The following CD302 variants were observed in gnomAD, a reference collection of about 807,000 sequenced individuals.
CD302 encodes the protein CD302 molecule, also known as CD302 antigen.
A neutral mutation model predicts 26.5 loss-of-function variants in CD302; 23 were observed. The ratio of observed to expected loss-of-function variants is 0.87; its 90% CI spans 0.62 to 1.23. The LOEUF (loss-of-function observed/expected upper bound fraction) is 1.23, where lower values mean the gene tolerates loss of function less well. Among genes scored for constraint, CD302 ranks in the 50% most tolerant of loss-of-function variants. The pLI is 0.00. For synonymous variants in CD302, 90 were observed against 99.4 expected (o/e 0.91, Z 0.56); for missense variants, 290 against 275.5 (o/e 1.05, Z -0.37).
chr2:159,788,965 TC>T (rs1708737011), intron 1 of CD302, among the ~76,000 whole-genome samples: 1 of 152,178 alleles, frequency 6.6e-6, no homozygotes, highest in Admixed American at 6.5e-5. Context: ...ATCTCATTCT[TC>T]CTGGTTTATT....
chr2:159,779,081 A>G (rs954479718), intron 4 of CD302, among the ~76,000 whole-genome samples: 1 of 151,776 alleles, frequency 6.6e-6, no homozygotes, highest in East Asian at 1.9e-4. Context: ...AAATACAAAA[A>G]TTAGCCGGGC....
rs10656353 is a variant in CD302 at position 159,794,305 on chromosome 2, T to TAA, written c.67+3825_67+3826dup. 6.6e-3 allele frequency among the ~76,000 whole-genome samples: 719 copies of TAA among 108,332 alleles called. 11 individuals carry two copies. Among genetic ancestry groups the TAA allele is most frequent in the East Asian group, 0.052 (199 of 3,806 alleles). 71.1% of individuals were successfully genotyped at this position (108,332 alleles called of 152,430 possible). A position where few individuals can be genotyped will look rare whatever the true frequency, so the allele number is the denominator to read the frequency against. ...AATAAAATAAAATAAAATAAAATAA[T>TAA]AAAAAAAAAAACACTAAATAACCCA... On this transcript the variant is annotated intron_variant, in intron 1 of 5. Transcript: ENST00000259053.
At chr2:159,783,729 A>T (rs957275484) in intron 1 of CD302, among the ~76,000 whole-genome samples, 4 of 152,214 alleles carry the variant, frequency 2.6e-5, no homozygotes, top group Admixed American at 2.6e-4. Context: ...GTTGTTTAGG[A>T]ATTCAGACAT....
At chr2:159,778,301 A>T (rs1179876447) in intron 4 of CD302, among the ~76,000 whole-genome samples, 1 of 152,194 alleles carries the variant, frequency 6.6e-6, no homozygotes, top group Non-Finnish European at 1.5e-5. Flanking sequence ...AAATTAAACA[A>T]CTGTGACCCT....
intron 1 of CD302, among the ~76,000 whole-genome samples, chr2:159,785,075 A>G (rs1456250531): frequency 6.6e-6 from 1 of 151,038 alleles, no homozygotes; most frequent in African/African-American, 2.4e-5. Context: ...CCCAGGCTCA[A>G]GTGATTCTTG....
chr2:159,770,085 AGAACTCCTTTAG>A lies in CD302; in HGVS notation c.*1754_*1765del, dbSNP rs758155497. 6.6e-6 allele frequency: 1 copy of A among 152,062 alleles called. No individual in the cohort carries two copies. The highest frequency in any genetic ancestry group is 1.5e-5 in the Non-Finnish European group (1 of 68,030). 9.4% of individuals were successfully genotyped at this position (152,062 alleles called of 1,614,324 possible). A position where few individuals can be genotyped will look rare whatever the true frequency, so the allele number is the denominator to read the frequency against. On this transcript the variant is annotated 3_prime_UTR_variant, in exon 6 of 6. Transcript: ENST00000259053. ...CTACCCAAATTCTACCACTCCTTTA[AGAACTCCTTTAG>A]AACTCTTTTAGTTCACATAATACGC... is the stretch of plus-strand genomic sequence containing the variant.
chr2:159,784,013 A>G (rs1000561141), intron 1 of CD302, among the ~76,000 whole-genome samples: 12 of 152,202 alleles, frequency 7.9e-5, no homozygotes, highest in African/African-American at 1.4e-4. Context: ...ATCAAAGTAG[A>G]TTATTTGAGG....
intron 5 of CD302, among the ~76,000 whole-genome samples, chr2:159,772,943 CTT>C (rs887622646): frequency 1.3e-5 from 2 of 151,922 alleles, no homozygotes; most frequent in African/African-American, 2.4e-5. Context: ...AGTGAACTAT[CTT>C]TTTAATTCTG....
At chr2:159,775,051 AAAT>A (rs1708268752) in intron 5 of CD302, among the ~76,000 whole-genome samples, 1 of 152,188 alleles carries the variant, frequency 6.6e-6, no homozygotes, top group African/African-American at 2.4e-5. Context: ...CTAAAAATAA[AAAT>A]AAAGTGCAAC....
chr2:159,773,164 C>T (rs1399272130), intron 5 of CD302, among the ~76,000 whole-genome samples: 1 of 152,160 alleles, frequency 6.6e-6, no homozygotes, highest in Non-Finnish European at 1.5e-5. Flanking sequence ...GACAGGCGCA[C>T]GCCATGATGT....
chr2:159,784,516 C>T (rs535741776), intron 1 of CD302, among the ~76,000 whole-genome samples: 87 of 151,756 alleles, frequency 5.7e-4, no homozygotes, highest in African/African-American at 1.8e-3. Context: ...CCACCATGCC[C>T]GGCTAACTTT....
rs912210543 is a variant in CD302, at chr2:159,769,600, C to T, written c.*2251G>A. 1 of 151,910 alleles carries T rather than the reference C, an allele frequency of 6.6e-6. No homozygotes were observed. The highest frequency in any genetic ancestry group is 2.4e-5 in the African/African-American group (1 of 41,296). The allele number at this position is 151,910 out of a possible 1,614,324, so 9.4% of individuals were successfully genotyped here. ...GGCGGAGATTGGAGAGAGCCAAGAT[C>T]GAGCCACTGCACTGTAGCCTGGGCA... On this transcript the variant is annotated 3_prime_UTR_variant, in exon 6 of 6. Coordinates refer to ENST00000259053, the MANE Select transcript of CD302 (RefSeq NM_014880.5).
In CD302 at chr2:159,770,374, A is replaced by G. The variant is rs887186160; in HGVS notation, c.*1477T>C. On this transcript the variant is annotated 3_prime_UTR_variant, in exon 6 of 6. Coordinates refer to ENST00000259053, the MANE Select transcript of CD302 (RefSeq NM_014880.5). The stretch of plus-strand genomic sequence containing the variant: ...GTAGCCGCACTGTTAATAGTTTTCT[A>G]TCACTTTTTAGTTACTCATGTCTCA... 1.1e-4 allele frequency: 15 copies of G among 140,382 alleles called. No homozygotes were observed. The highest frequency in any genetic ancestry group is 4.9e-4 in the African/African-American group (15 of 30,718). The allele number at this position is 140,382 out of a possible 1,614,324, so 8.7% of individuals were successfully genotyped here. A position where few individuals can be genotyped will look rare whatever the true frequency, so the allele number is the denominator to read the frequency against.
chr2:159,777,886 T>TTTGA, intron 5 of CD302, 52 bp downstream of exon 5: 1 of 904,564 alleles, frequency 1.1e-6, no homozygotes, highest in Non-Finnish European at 1.6e-6. Flanking sequence ...ATGCCAGAAT[T>TTTGA]TTGATATATT....
chr2:159,778,016 G>T, intron 4 of CD302, 52 bp from the exon 5 acceptor site: 2 of 740,338 alleles, frequency 2.7e-6, no homozygotes. Flanking sequence ...TTTATTATAG[G>T]ATTGACTTTA....
intron 2 of CD302, 26 bp downstream of exon 2, chr2:159,783,328 AAAAAC>A: frequency 6.5e-7 from 1 of 1,533,114 alleles, no homozygotes; most frequent in Non-Finnish European, 8.8e-7. Flanking sequence ...TAATTTGTGA[AAAAAC>A]AAACAGAAAA....
intron 1 of CD302, among the ~76,000 whole-genome samples, chr2:159,797,033 G>A (rs1245894631): frequency 6.6e-6 from 1 of 152,104 alleles, no homozygotes; most frequent in Non-Finnish European, 1.5e-5. Context: ...CTGCCCCTTT[G>A]ATAGGCAGCA....
At chr2:159,777,645 T>C (rs1708375097) in intron 5 of CD302, among the ~76,000 whole-genome samples, 1 of 152,104 alleles carries the variant, frequency 6.6e-6, no homozygotes, top group Non-Finnish European at 1.5e-5. Context: ...GGACAATATA[T>C]GATATATTTA....
intron 4 of CD302, among the ~76,000 whole-genome samples, chr2:159,779,563 A>G (rs967167434): frequency 6.6e-6 from 1 of 152,272 alleles, no homozygotes; most frequent in South Asian, 2.1e-4. Context: ...GAGAATTACA[A>G]TTTGAGTTCC....
Sources: gnomAD v4.1 joint callset for allele counts (sites outside exome capture counted in the v4.1 genomes callset) on GRCh38, gnomAD v4.1.1 for gene constraint, MANE v1.5 for transcripts, NCBI Gene and HGNC (gene_info 2026-07-23, HGNC 2026-07-21) for gene names.